Variants in SEL1L3 observed in about 807,000 individuals in gnomAD.
SEL1L3 encodes protein sel-1 homolog 3.
In SEL1L3, 76 loss-of-function variants were observed where a neutral mutation model predicts 142.8. That is an observed-to-expected ratio of 0.53 (90% CI 0.44 to 0.64). The LOEUF is 0.64. Among genes scored for constraint, SEL1L3 ranks in the 30% least tolerant of loss-of-function variants. The pLI is 0.00. For synonymous variants in SEL1L3, 504 were observed against 519.6 expected (o/e 0.97, Z 0.41); for missense variants, 1,262 against 1,381.7 (o/e 0.91, Z 1.37).
intron 1 of SEL1L3, among the ~76,000 whole-genome samples, chr4:25,849,758 C>G (rs1483056347): frequency 1.3e-5 from 2 of 152,176 alleles, no homozygotes; most frequent in African/African-American, 4.8e-5. Flanking sequence ...AATAAGGACT[C>G]CTTTTTTCAA....
intron 2 of SEL1L3, among the ~76,000 whole-genome samples, chr4:25,842,321 A>T (rs1716220183): frequency 6.8e-6 from 1 of 147,692 alleles, no homozygotes; most frequent in Non-Finnish European, 1.5e-5. Flanking sequence ...CTGTTGAAAT[A>T]GGGGCATGAT....
downstream of SEL1L3, among the ~76,000 whole-genome samples, chr4:25,747,162 T>C (rs11735719): frequency 0.091 from 13,919 of 152,210 alleles, 857 homozygotes; most frequent in Middle Eastern, 0.15. Flanking sequence ...TAGCCTGGAA[T>C]GAACATAGAG....
At chr4:25,773,176 T>C (rs562630593) in intron 17 of SEL1L3, among the ~76,000 whole-genome samples, 33 of 152,276 alleles carry the variant, frequency 2.2e-4, no homozygotes, top group East Asian at 1.3e-3. Flanking sequence ...GTAATTATAA[T>C]CATATAAAGG....
At chr4:25,813,170 A>T (rs1328557707) in intron 9 of SEL1L3, among the ~76,000 whole-genome samples, 2 of 152,240 alleles carry the variant, frequency 1.3e-5, no homozygotes, top group African/African-American at 4.8e-5. Flanking sequence ...GAATTACTAT[A>T]TGACCCAGAA....
At chr4:25,849,171 A>G (rs920931380) in intron 1 of SEL1L3, among the ~76,000 whole-genome samples, 5 of 152,174 alleles carry the variant, frequency 3.3e-5, no homozygotes, top group African/African-American at 1.2e-4. Context: ...AGACCCAGCA[A>G]TTCCACTTCT....
chr4:25,788,404 T>C lies in SEL1L3; in HGVS notation c.2077-40A>G. ...CAATTTAGAACAATGACTTTTCCTG[T>C]ATAATGCTTAACACAAGATTTTGAA... is the stretch of plus-strand genomic sequence containing the variant. On this transcript the variant is annotated intron_variant, in intron 12 of 23. Transcript: ENST00000399878. This position sits in a 1 kb window ranked among gnomAD's most constrained non-coding sequence, Gnocchi z 5.3. The C allele has an allele frequency of 6.2e-7, 1 of 1,604,800 alleles. No individual in the cohort carries two copies. The highest frequency in any genetic ancestry group is 8.5e-7 in the Non-Finnish European group (1 of 1,174,668).
chr4:25,761,730 C>T (rs1450903467), intron 20 of SEL1L3, among the ~76,000 whole-genome samples: 1 of 152,180 alleles, frequency 6.6e-6, no homozygotes, highest in Non-Finnish European at 1.5e-5. Flanking sequence ...TGTCCATCAT[C>T]ACTAGTAATT....
At chr4:25,716,936 G>C in the SEL1L3 span, among the ~76,000 whole-genome samples, 3 of 152,068 alleles carry the variant, frequency 2.0e-5, no homozygotes, top group African/African-American at 7.2e-5. Flanking sequence ...AGACCAGCCT[G>C]GTCAACATGG....
At chr4:25,783,111 C>A (rs1305336376) in intron 14 of SEL1L3, among the ~76,000 whole-genome samples, 1 of 152,226 alleles carries the variant, frequency 6.6e-6, no homozygotes, top group Admixed American at 6.5e-5. Context: ...CAATTCACTA[C>A]TAGGATGGCT....
intron 11 of SEL1L3, among the ~76,000 whole-genome samples, chr4:25,792,028 G>C (rs568904438): frequency 4.0e-4 from 61 of 152,118 alleles, no homozygotes; most frequent in African/African-American, 1.3e-3. Flanking sequence ...CTTTCCAGGG[G>C]GACTCGGGGG....
In SEL1L3 at chr4:25,847,624, C is replaced by T; in HGVS notation, c.403G>A (p.Glu135Lys). The T allele has an allele frequency of 6.2e-7, 1 of 1,613,974 alleles. No individual in the cohort carries two copies. The highest frequency in any genetic ancestry group is 2.2e-5 in the East Asian group (1 of 44,880). The part of the protein sequence containing the change: ...IPVYKKRWKN[E>K]KHLHTSRTQI... Reference sequence around the variant, plus strand: ...GTCCTGCTGGTGTGAAGATGTTTCTCATTCTTCCACCTTTTTTTGTACACG... The same window carrying T: ...GTCCTGCTGGTGTGAAGATGTTTCTTATTCTTCCACCTTTTTTTGTACACG... The change falls in exon 2 of 24, where the codon GAG becomes AAG. Residue 135 changes from glutamate (E) to lysine (K), a missense_variant. By Grantham distance (56) the Glu-to-Lys change is moderately conservative. This residue lies in a region of SEL1L3 where 689 missense variants were observed against 692.8 expected (regional missense o/e 0.99). Coordinates refer to ENST00000399878, the MANE Select transcript of SEL1L3 (RefSeq NM_015187.5).
At chr4:25,849,935 T>C (rs1716774359) in intron 1 of SEL1L3, among the ~76,000 whole-genome samples, 1 of 152,114 alleles carries the variant, frequency 6.6e-6, no homozygotes, top group South Asian at 2.1e-4. Context: ...TAATTCTAAC[T>C]GGAAGGTCTG....
At chr4:25,765,169 AT>A (rs1718628497) in intron 20 of SEL1L3, among the ~76,000 whole-genome samples, 156 bp downstream of exon 20, 1 of 152,018 alleles carries the variant, frequency 6.6e-6, no homozygotes, top group Non-Finnish European at 1.5e-5. Context: ...TAATTTTTGT[AT>A]TTTTGTAGAG....
At chr4:25,763,748 G>A (rs1718536428) in intron 20 of SEL1L3, among the ~76,000 whole-genome samples, 2 of 152,156 alleles carry the variant, frequency 1.3e-5, no homozygotes, top group South Asian at 2.1e-4. Context: ...GCTGAGGTAG[G>A]AGGATCGCTT....
At chr4:25,743,697 A>G (rs536786845), downstream of SEL1L3, among the ~76,000 whole-genome samples, 9 of 152,336 alleles carry the variant, frequency 5.9e-5, no homozygotes, top group African/African-American at 2.2e-4. Context: ...CCAATCAGAT[A>G]CGCATTTATC....
In SEL1L3 at chr4:25,830,101, A is replaced by G. The variant is rs1182843035; in HGVS notation, c.1154T>C (p.Ile385Thr). 1.9e-6 allele frequency: 3 copies of G among 1,606,912 alleles called. No homozygotes were observed. The highest frequency in any genetic ancestry group is 1.7e-6 in the Non-Finnish European group (2 of 1,173,746). Residue 385 changes from isoleucine to threonine, a missense_variant, in exon 6 of 24, where the codon ATT becomes ACT. This residue lies in a region of SEL1L3 where 689 missense variants were observed against 692.8 expected (regional missense o/e 0.99). Coordinates refer to ENST00000399878, the MANE Select transcript of SEL1L3 (RefSeq NM_015187.5). ...QDLKSYHNQT[I>T]SFREDFHYND... ...TAAAAAGAAAAATCGCACTTACCTA[A>G]TGGTCTGATTGTGGTAGCTTTTCAA...
chr4:25,798,352 T>C (rs1356281041), intron 11 of SEL1L3, among the ~76,000 whole-genome samples: 1 of 152,210 alleles, frequency 6.6e-6, no homozygotes, highest in African/African-American at 2.4e-5. Flanking sequence ...AATATACACA[T>C]ACACGTACAC....
chr4:25,776,440 A>G (rs1719637402), intron 16 of SEL1L3, 80 bp from the exon 17 acceptor site: 1 of 953,460 alleles, frequency 1.0e-6, no homozygotes, highest in African/African-American at 1.6e-5. Context: ...CTCTCAATAA[A>G]TCCCACTTGG....
chr4:25,803,674 T>C (rs1713343267), intron 10 of SEL1L3, among the ~76,000 whole-genome samples: 2 of 152,228 alleles, frequency 1.3e-5, no homozygotes, highest in African/African-American at 4.8e-5. Flanking sequence ...ATCCAATCTC[T>C]TGAGGGCCTC....
Sources: gnomAD v4.1 joint callset for allele counts (sites outside exome capture counted in the v4.1 genomes callset) on GRCh38, gnomAD v4.1.1 for gene constraint, gnomAD v4.1.1 regional missense constraint, Gnocchi (gnomAD v3.1) non-coding constraint, MANE v1.5 for transcripts, NCBI Gene and HGNC (gene_info 2026-07-23, HGNC 2026-07-21) for gene names.